Variants in GABRB1 observed in about 807,000 individuals in gnomAD.
GABRB1 encodes the protein gamma-aminobutyric acid type A receptor subunit beta1, also known as gamma-aminobutyric acid receptor subunit beta-1.
In GABRB1, 17 loss-of-function variants were observed where a neutral mutation model predicts 51.6. That is an observed-to-expected ratio of 0.33 (90% CI 0.23 to 0.49). GABRB1 has a LOEUF of 0.49. GABRB1 is among the 20% of genes least tolerant of loss of function. GABRB1 has a pLI of 0.99. For missense variants in GABRB1, 410 were observed against 600.6 expected, an observed-to-expected ratio of 0.68 and a Z score of 3.32; for synonymous variants, 247 against 218.9, an observed-to-expected ratio of 1.13 and a Z score of -1.14.
chr4:47,043,450 G>A (rs1725945469), intron 3 of GABRB1: 1 of 152,010 alleles, frequency 6.6e-6, no homozygotes, highest in Admixed American at 6.6e-5. Context: ...GGAAACGAAT[G>A]ACTTTCAGGA....
rs575758852 is a variant in GABRB1 at position 47,118,431 on chromosome 4, T to C, written c.241-42818T>C. On this transcript the variant is annotated intron_variant, in intron 3 of 8. Coordinates refer to ENST00000295454, the MANE Select transcript of GABRB1 (RefSeq NM_000812.4). ...AGTGACTTCACACCTTTTCATGTGA[T>C]AAAATATTTAATGTTATTTTTATCA... Among the ~76,000 whole-genome samples, 350 of 152,258 alleles carry C rather than the reference T, an allele frequency of 2.3e-3. 1 individual carries two copies. Among genetic ancestry groups the C allele is most frequent in the African/African-American group, 8.2e-3 (340 of 41,570 alleles).
At chr4:47,263,534 T>TTTTA (rs1250865746) in intron 4 of GABRB1, among the ~76,000 whole-genome samples, 1 of 152,158 alleles carries the variant, frequency 6.6e-6, no homozygotes, top group Non-Finnish European at 1.5e-5. Flanking sequence ...TCTAAAATAC[T>TTTTA]GGGATTTTTA....
chr4:47,041,517 AG>A (rs547939949), intron 3 of GABRB1, among the ~76,000 whole-genome samples: 2,647 of 152,140 alleles, frequency 0.017, 38 homozygotes, highest in Non-Finnish European at 0.026. Context: ...GAAAAATTAG[AG>A]GTTAGATGCC....
intron 3 of GABRB1, among the ~76,000 whole-genome samples, chr4:47,073,231 C>T (rs1010235217): frequency 2.6e-5 from 4 of 152,070 alleles, no homozygotes; most frequent in African/African-American, 9.7e-5. Flanking sequence ...CAGCATAGCC[C>T]CTTTGTTACC....
Position 47,246,081 on chromosome 4 carries a change from C to CG in GABRB1, c.462-74046_462-74045insG, listed in dbSNP as rs1461051178. Among the ~76,000 whole-genome samples the CG allele has an allele frequency of 8.0e-5, 12 of 149,412 alleles. No individual in the cohort carries two copies. In the South Asian group the frequency reaches 1.7e-3, roughly 21 times the overall value. On this transcript the variant is annotated intron_variant, in intron 4 of 8. Coordinates refer to ENST00000295454, the MANE Select transcript of GABRB1 (RefSeq NM_000812.4). The stretch of plus-strand genomic sequence containing the variant: ...CCTTACCCTCTCTCATTCTCCCCCC[C>CG]CAAGTCCCCACAGTCCATTGTATCA...
intron 3 of GABRB1, among the ~76,000 whole-genome samples, chr4:47,106,818 G>T (rs1263391346): frequency 1.3e-5 from 2 of 152,042 alleles, no homozygotes; most frequent in Non-Finnish European, 1.5e-5. Context: ...CTGCAAAAAT[G>T]ACCATAACAG....
chr4:47,347,358 A>G (rs983922385), intron 5 of GABRB1, among the ~76,000 whole-genome samples: 1 of 152,162 alleles, frequency 6.6e-6, no homozygotes, highest in African/African-American at 2.4e-5. Context: ...GACTTCATTA[A>G]TTCAGCCACA....
At chr4:47,315,000 G>C (rs1483428046) in intron 4 of GABRB1, among the ~76,000 whole-genome samples, 1 of 151,908 alleles carries the variant, frequency 6.6e-6, no homozygotes, top group Non-Finnish European at 1.5e-5. Flanking sequence ...AAAAGCAATT[G>C]CAATAAAAAC....
intron 4 of GABRB1, among the ~76,000 whole-genome samples, chr4:47,306,842 T>C (rs1485397327): frequency 6.6e-6 from 1 of 152,206 alleles, no homozygotes; most frequent in African/African-American, 2.4e-5. Flanking sequence ...AGTAATCCAG[T>C]GTATATGCAC....
chr4:47,061,737 G>T (rs1726853022), intron 3 of GABRB1, among the ~76,000 whole-genome samples: 2 of 152,192 alleles, frequency 1.3e-5, no homozygotes, highest in South Asian at 4.2e-4. Flanking sequence ...CCTCTGTGGG[G>T]GGTGGTCTTC....
chr4:47,181,948 A>T (rs1718966999), intron 4 of GABRB1, among the ~76,000 whole-genome samples: 1 of 151,996 alleles, frequency 6.6e-6, no homozygotes, highest in Non-Finnish European at 1.5e-5. Flanking sequence ...TACTTAGTTA[A>T]GGGATCCAAC....
At chr4:47,173,099 C>A (rs184463044) in intron 4 of GABRB1, among the ~76,000 whole-genome samples, 35 of 152,188 alleles carry the variant, frequency 2.3e-4, no homozygotes, top group Middle Eastern at 3.4e-3. Flanking sequence ...CATGTAAATT[C>A]TATTTTTTAA....
chr4:47,423,475 T>G (rs1319330666), intron 8 of GABRB1, among the ~76,000 whole-genome samples: 2 of 152,236 alleles, frequency 1.3e-5, no homozygotes, highest in Non-Finnish European at 2.9e-5. Context: ...TTGTAAATTC[T>G]GTTGTAAAAG....
intron 1 of GABRB1, among the ~76,000 whole-genome samples, chr4:47,001,363 G>T (rs6447524): frequency 4.0e-5 from 6 of 151,810 alleles, no homozygotes; most frequent in Middle Eastern, 3.4e-3. Context: ...AGGATGGTCT[G>T]AATCTCCTGA....
intron 4 of GABRB1, among the ~76,000 whole-genome samples, chr4:47,173,511 A>G (rs1220266728): frequency 6.6e-6 from 1 of 152,228 alleles, no homozygotes. Context: ...TGGCACAAAA[A>G]TGGAAAACTG....
chr4:47,125,555 A>ATTTTTTTTTTTTTTTTTT (rs570181191), intron 3 of GABRB1, among the ~76,000 whole-genome samples: 5 of 21,022 alleles, frequency 2.4e-4, no homozygotes, highest in Non-Finnish European at 3.1e-4. Context: ...ACAAAGTATA[A>ATTTTTTTTTTTTTTTTTT]TTTCTTTTTT....
chr4:47,311,451 G>T (rs1415276099), intron 4 of GABRB1, among the ~76,000 whole-genome samples: 2 of 149,256 alleles, frequency 1.3e-5, no homozygotes, highest in Non-Finnish European at 3.0e-5. Flanking sequence ...GATTATCTTG[G>T]AATATCTTAG....
chr4:47,371,672 G>A (rs12506952), intron 5 of GABRB1, among the ~76,000 whole-genome samples: 3,006 of 152,166 alleles, frequency 0.02, 130 homozygotes, highest in East Asian at 0.19. Context: ...TTTGATGGGC[G>A]TTTCTCTAAT....
At chr4:47,350,183 T>TTA (rs367708916) in intron 5 of GABRB1, among the ~76,000 whole-genome samples, 415 of 87,682 alleles carry the variant, frequency 4.7e-3, no homozygotes, top group South Asian at 9.7e-3. Context: ...TGGGCTCAGA[T>TTA]TATATATATA....
Sources: gnomAD v4.1 joint callset for allele counts (sites outside exome capture counted in the v4.1 genomes callset) on GRCh38, gnomAD v4.1.1 for gene constraint, MANE v1.5 for transcripts, NCBI Gene and HGNC (gene_info 2026-07-23, HGNC 2026-07-21) for gene names.